AKAP9: variants seen among roughly 807,000 people sequenced by gnomAD.
AKAP9 encodes the protein A-kinase anchoring protein 9, also known as A-kinase anchor protein 9.
Under a neutral mutation model 488.5 loss-of-function variants are expected in AKAP9, and 311 were observed. That is an observed-to-expected ratio of 0.64 (90% CI 0.58 to 0.70). AKAP9 has a LOEUF of 0.70. Ranked by LOEUF, AKAP9 falls within the 30% of genes least tolerant of loss-of-function variation. The probability of loss-of-function intolerance (pLI) is 0.00; values close to 1 mark genes in which losing one functional copy is unlikely to be tolerated. For missense variants in AKAP9, 4,215 were observed against 4,374.5 expected (o/e 0.96, Z 1.03); for synonymous variants, 1,462 against 1,483.5 (o/e 0.99, Z 0.33).
chr7:91,985,234 G>A (rs1007739486), intron 3 of AKAP9, among the ~76,000 whole-genome samples: 6 of 152,284 alleles, frequency 3.9e-5, no homozygotes, highest in African/African-American at 1.2e-4. Flanking sequence ...CATTCAGTAT[G>A]ATATTGGCTG....
rs193160872 is a variant in AKAP9, at chr7:92,074,621, A to T, written c.6613-2234A>T. Among the ~76,000 whole-genome samples, 13 of 152,362 alleles carry T rather than the reference A, an allele frequency of 8.5e-5. 1 individual carries two copies. The East Asian group carries it at 2.5e-3, about 29-fold the overall frequency. Reference sequence around the variant, plus strand: ...AGACTTGGAACCAACCCAAATGTCCATTAATGATAAACTGGATAAAGAAAA... The same window carrying T: ...AGACTTGGAACCAACCCAAATGTCCTTTAATGATAAACTGGATAAAGAAAA... On this transcript the variant is annotated intron_variant, in intron 28 of 49. Transcript: ENST00000356239.
intron 1 of AKAP9, among the ~76,000 whole-genome samples, chr7:91,955,311 A>G (rs1406903738): frequency 6.6e-6 from 1 of 152,240 alleles, no homozygotes; most frequent in African/African-American, 2.4e-5. Flanking sequence ...ATGTATGTAT[A>G]AAATAAAGAC....
intron 1 of AKAP9, among the ~76,000 whole-genome samples, chr7:91,961,888 T>C (rs1365978669): frequency 1.3e-5 from 2 of 152,212 alleles, no homozygotes; most frequent in African/African-American, 4.8e-5. Flanking sequence ...ATTATTTGTA[T>C]TAAGTCATTT....
At chr7:92,080,985 G>A (rs1364901486) in intron 31 of AKAP9, among the ~76,000 whole-genome samples, 1 of 152,090 alleles carries the variant, frequency 6.6e-6, no homozygotes, top group Admixed American at 6.6e-5. Context: ...ACACTGTGTA[G>A]TCATATTATT....
intron 8 of AKAP9, among the ~76,000 whole-genome samples, chr7:92,006,699 C>G (rs1779231181): frequency 6.6e-6 from 1 of 152,108 alleles, no homozygotes; most frequent in Non-Finnish European, 1.5e-5. Flanking sequence ...ACAGATATCT[C>G]TAATACACTT....
At chr7:92,049,158 C>T (rs1031537369) in intron 21 of AKAP9, among the ~76,000 whole-genome samples, 5 of 152,290 alleles carry the variant, frequency 3.3e-5, no homozygotes, top group South Asian at 2.1e-4. Flanking sequence ...GAATAACCAT[C>T]ATTTACTATG....
intron 1 of AKAP9, among the ~76,000 whole-genome samples, chr7:91,960,752 G>A (rs980052381): frequency 2.0e-5 from 3 of 152,104 alleles, no homozygotes; most frequent in Non-Finnish European, 2.9e-5. Flanking sequence ...TTAGCACAAA[G>A]TTGCATGCAT....
chr7:92,083,529 G>A lies in AKAP9; in HGVS notation c.8520G>A (p.Leu2840=), dbSNP rs1202521071. 1.2e-6 allele frequency: 2 copies of A among 1,604,122 alleles called. No individual in the cohort carries two copies. Among genetic ancestry groups the A allele is most frequent in the African/African-American group, 1.3e-5 (1 of 74,430 alleles). ...KMQELHAAEI[L]DMESRHISET... ...AAGAACTACATGCTGCTGAAATTTT[G>A]GACATGGAATCCAGACATATTTCAG... is the stretch of plus-strand genomic sequence containing the variant. Residue 2840 remains leucine, a synonymous_variant, in exon 33 of 50, where the codon TTG becomes TTA. Transcript: ENST00000356239.
Position 92,098,189 on chromosome 7 carries a change from A to T in AKAP9, c.10688A>T (p.Lys3563Ile), listed in dbSNP as rs150527358. The change falls in exon 43 of 50, where the codon AAA becomes ATA. Residue 3563 changes from lysine (K) to isoleucine (I), a missense_variant. Physicochemically the swap from Lys to Ile is moderately radical, Grantham distance 102. Transcript: ENST00000356239. ...GATGAAATTATTTTACAACTACAGA[A>T]ATTAACTGGCCAGCAAGGTGAAGAG... is the stretch of plus-strand genomic sequence containing the variant. The part of the protein sequence containing the change: ...NIDEIILQLQ[K>I]LTGQQGEEPS... 4.3e-6 allele frequency: 7 copies of T among 1,609,900 alleles called. No individual in the cohort carries two copies. The Admixed American group carries it at 6.7e-5, about 15-fold the overall frequency.
At chr7:92,018,435 C>CACACACACAT (rs1554413473) in intron 12 of AKAP9, among the ~76,000 whole-genome samples, 2 of 140,976 alleles carry the variant, frequency 1.4e-5, no homozygotes, top group East Asian at 2.0e-4. Flanking sequence ...CACACACACA[C>CACACACACAT]ACACACAGAG....
At chr7:92,074,008 A>C (rs1041500773) in intron 28 of AKAP9, among the ~76,000 whole-genome samples, 2 of 152,266 alleles carry the variant, frequency 1.3e-5, no homozygotes, top group Admixed American at 1.3e-4. Flanking sequence ...ACAAAAGCCA[A>C]AATTGACAAA....
chr7:92,048,914 A>G (rs1330691186), intron 21 of AKAP9, among the ~76,000 whole-genome samples: 1 of 152,086 alleles, frequency 6.6e-6, no homozygotes, highest in Non-Finnish European at 1.5e-5. Flanking sequence ...GTTCATTGTG[A>G]TATTGGGCAA....
intron 47 of AKAP9, among the ~76,000 whole-genome samples, 185 bp from the exon 48 acceptor site, chr7:92,107,108 C>CTTTA (rs2130924375): frequency 6.6e-6 from 1 of 152,256 alleles, no homozygotes; most frequent in African/African-American, 2.4e-5. Flanking sequence ...AACAAAATAA[C>CTTTA]ATTTGAAAGC....
At chr7:92,009,712 T>C (rs1562973261) in intron 8 of AKAP9, among the ~76,000 whole-genome samples, 1 of 152,086 alleles carries the variant, frequency 6.6e-6, no homozygotes, top group Non-Finnish European at 1.5e-5. Flanking sequence ...TACAAACAAA[T>C]AAAATTATAG....
chr7:92,061,270 C>T lies in AKAP9; in HGVS notation c.5612C>T (p.Ala1871Val), dbSNP rs748884520. 1.4e-5 allele frequency: 23 copies of T among 1,611,488 alleles called. 1 individual carries two copies. In the Middle Eastern group the frequency reaches 4.9e-4, roughly 35 times the overall value. The change falls in exon 23 of 50, where the codon GCG (alanine) becomes GTG (valine). Residue 1871 changes from alanine (A) to valine (V), a missense_variant. By Grantham distance (64) the Ala-to-Val change is moderately conservative (BLOSUM62 0). Transcript: ENST00000356239. ...ISETSSQLEH[A>V]KVTQTELMRE... ...TCCCTCTTTGTTTAGCTTGAACATG[C>T]GAAAGTGACACAGACAGAGTTGATG... is the stretch of plus-strand genomic sequence containing the variant.
At position 92,097,374 on chromosome 7, in the gene AKAP9, T is replaced by G; in HGVS notation, c.10398+17T>G. 6.2e-7 allele frequency: 1 copy of G among 1,609,114 alleles called. No individual in the cohort carries two copies. The highest frequency in any genetic ancestry group is 8.5e-7 in the Non-Finnish European group (1 of 1,177,672). On this transcript the variant is annotated intron_variant, in intron 41 of 49. Coordinates refer to ENST00000356239, the MANE Select transcript of AKAP9 (RefSeq NM_005751.5). ...CTTAATGAGGTAAACTGACAGTTTCTTTTTAGATATTTTTAAGGAAAGCAC... is the reference window on the plus strand; with the variant it reads ...CTTAATGAGGTAAACTGACAGTTTCGTTTTAGATATTTTTAAGGAAAGCAC...
chr7:92,029,011 G>GA (rs1207747778), intron 14 of AKAP9, among the ~76,000 whole-genome samples: 2 of 152,126 alleles, frequency 1.3e-5, no homozygotes, highest in African/African-American at 4.8e-5. Context: ...ATAGGAGAAA[G>GA]AAGGTTATGT....
intron 48 of AKAP9, among the ~76,000 whole-genome samples, chr7:92,108,161 G>C (rs1818831461): frequency 6.6e-6 from 1 of 152,186 alleles, no homozygotes; most frequent in Non-Finnish European, 1.5e-5. Flanking sequence ...GCTATGGTTA[G>C]ATATTGGGAA....
At chr7:92,093,009 A>C (rs896198190) in intron 38 of AKAP9, 88 bp from the exon 39 acceptor site, 1 of 1,154,044 alleles carries the variant, frequency 8.7e-7, no homozygotes, top group Non-Finnish European at 1.3e-6. Context: ...AATCTCCTTA[A>C]CTACAAATCA....
Sources: gnomAD v4.1 joint callset for allele counts (sites outside exome capture counted in the v4.1 genomes callset) on GRCh38, gnomAD v4.1.1 for gene constraint, MANE v1.5 for transcripts, NCBI Gene and HGNC (gene_info 2026-07-23, HGNC 2026-07-21) for gene names.